The following EPM2A variants were observed in gnomAD, a reference collection of about 807,000 sequenced individuals.
EPM2A encodes the protein EPM2A glucan phosphatase, laforin, also known as laforin.
In EPM2A, 21 loss-of-function variants were observed where a neutral mutation model predicts 26.5. The observed-to-expected ratio is 0.79, with a 90% CI of 0.56 to 1.14. EPM2A has a LOEUF of 1.14. Ranked by LOEUF, EPM2A falls within the 50% of genes most tolerant of loss-of-function variation. EPM2A has a pLI of 0.00. For missense variants in EPM2A, 458 were observed against 440.8 expected, an observed-to-expected ratio of 1.04 and a Z score of -0.35; for synonymous variants, 217 against 177.6, an observed-to-expected ratio of 1.22 and a Z score of -1.76.
intron 2 of EPM2A, among the ~76,000 whole-genome samples, chr6:145,535,286 TCAAA>T (rs1189776482): frequency 4.6e-5 from 7 of 152,158 alleles, no homozygotes; most frequent in African/African-American, 1.7e-4. Flanking sequence ...CTGACAACCC[TCAAA>T]CAAAGTGAAT....
chr6:145,620,512 T>C (rs753154472), downstream of EPM2A, among the ~76,000 whole-genome samples: 50 of 152,230 alleles, frequency 3.3e-4, no homozygotes, highest in Non-Finnish European at 2.4e-4. Flanking sequence ...TCATTTAATA[T>C]TAAGAAGGCA....
chr6:145,533,778 C>G (rs973156376), intron 2 of EPM2A, among the ~76,000 whole-genome samples: 1 of 152,172 alleles, frequency 6.6e-6, no homozygotes, highest in African/African-American at 2.4e-5. Flanking sequence ...CACTTTCTGT[C>G]AAGCCCACCA....
intron 3 of EPM2A, among the ~76,000 whole-genome samples, chr6:145,632,630 C>T (rs1313354788): frequency 6.6e-6 from 1 of 152,210 alleles, no homozygotes; most frequent in Non-Finnish European, 1.5e-5. Flanking sequence ...AGGTCTGTGA[C>T]AACTAGCGGT....
rs114840477 is a variant in EPM2A, at chr6:145,647,691, G to A, written c.477-12205C>T. ...AGGAAGGAAGGCAGGAAGGAAGGAA[G>A]GGAAAGGGAAAGGGGAAGGGGAAGG... On this transcript the variant is annotated intron_variant, in intron 2 of 3. Coordinates refer to ENST00000367519, the MANE Select transcript of EPM2A (RefSeq NM_005670.4). Among the ~76,000 whole-genome samples the A allele has an allele frequency of 2.8e-3, 422 of 151,786 alleles. 6 individuals are homozygous for A. The highest frequency in any genetic ancestry group is 9.7e-3 in the African/African-American group (404 of 41,438).
Position 145,383,897 on chromosome 6 carries a change from T to C in EPM2A, c.*127A>G, listed in dbSNP as rs559387666. 7.9e-5 allele frequency: 12 copies of C among 152,346 alleles called. No homozygotes were observed. In the East Asian group the frequency reaches 1.2e-3, roughly 15 times the overall value. The allele number at this position is 152,346 out of a possible 1,614,324, so 9.4% of individuals were successfully genotyped here. On this transcript the variant is annotated 3_prime_UTR_variant, in exon 5 of 5. Transcript: ENST00000638717. Reference sequence around the variant, plus strand: ...TTGATAGCATCCACATATCTTTTTCTCCTTTAACATATAGATCTGTTAAAT... The same window carrying C: ...TTGATAGCATCCACATATCTTTTTCCCCTTTAACATATAGATCTGTTAAAT...
At chr6:145,649,197 T>C (rs1582964930) in intron 2 of EPM2A, among the ~76,000 whole-genome samples, 1 of 152,312 alleles carries the variant, frequency 6.6e-6, no homozygotes, top group African/African-American at 2.4e-5. Flanking sequence ...GGTAGGAAGG[T>C]GGCTCAGAGC....
chr6:145,591,814 A>T (rs2128548015), intron 2 of EPM2A, among the ~76,000 whole-genome samples: 1 of 152,118 alleles, frequency 6.6e-6, no homozygotes, highest in Admixed American at 6.5e-5. Flanking sequence ...TTGTTTTAAA[A>T]GATAACTATT....
intron 1 of EPM2A, among the ~76,000 whole-genome samples, chr6:145,696,807 GT>G: frequency 6.6e-6 from 1 of 151,030 alleles, no homozygotes; most frequent in Non-Finnish European, 1.5e-5. Context: ...GTGTGTGTGT[GT>G]GTGTGTGTGT....
downstream of EPM2A, chr6:145,501,506 TA>T (rs1321494345): frequency 9.2e-6 from 2 of 216,824 alleles, no homozygotes; most frequent in African/African-American, 4.7e-5. Flanking sequence ...CCATTGCTTC[TA>T]CTGCCCTGGT....
chr6:145,717,004 C>T (rs895777823), intron 1 of EPM2A, among the ~76,000 whole-genome samples: 12 of 152,212 alleles, frequency 7.9e-5, no homozygotes, highest in African/African-American at 2.4e-4. Context: ...CCCTTTCTTC[C>T]TCCTGAATTC....
intron 4 of EPM2A, chr6:145,490,955 CA>C: frequency 1.2e-6 from 1 of 833,084 alleles, no homozygotes; most frequent in Non-Finnish European, 2.0e-6. Context: ...GGATGCTTGG[CA>C]GAATCCACTT....
chr6:145,480,963 A>G (rs950680211), intron 4 of EPM2A, among the ~76,000 whole-genome samples: 7 of 152,138 alleles, frequency 4.6e-5, no homozygotes, highest in Admixed American at 2.0e-4. Flanking sequence ...TCTAAACTGG[A>G]GTTGCATGGG....
intron 2 of EPM2A, among the ~76,000 whole-genome samples, chr6:145,659,398 T>A (rs935889861): frequency 6.6e-6 from 1 of 152,208 alleles, no homozygotes; most frequent in Non-Finnish European, 1.5e-5. Flanking sequence ...TTTTCTGTAC[T>A]TCAACAGTAT....
At chr6:145,701,943 A>G (rs1781935973) in intron 1 of EPM2A, among the ~76,000 whole-genome samples, 1 of 152,176 alleles carries the variant, frequency 6.6e-6, no homozygotes, top group South Asian at 2.1e-4. Context: ...AGAGAGTACC[A>G]GTTATTTGTC....
At position 145,725,262 on chromosome 6, in the gene EPM2A, C is replaced by T. The variant is rs189812921; in HGVS notation, c.301+9936G>A. Among the ~76,000 whole-genome samples the T allele has an allele frequency of 3.0e-3, 457 of 152,142 alleles. 1 individual carries two copies. The highest frequency in any genetic ancestry group is 5.5e-3 in the Non-Finnish European group (375 of 67,918). ...ATGAGATACCACTATGCACCTATTA[C>T]AGTAGTTAAAATCCAAAACACTAAC... On this transcript the variant is annotated intron_variant, in intron 1 of 3. Transcript: ENST00000367519.
intron 2 of EPM2A, among the ~76,000 whole-genome samples, chr6:145,574,613 G>A (rs183809907): frequency 6.6e-6 from 1 of 152,292 alleles, no homozygotes; most frequent in East Asian, 1.9e-4. Flanking sequence ...GGATGAGTAG[G>A]TCTAAAGTGG....
intron 2 of EPM2A, among the ~76,000 whole-genome samples, chr6:145,566,511 A>G (rs1780885882): frequency 6.6e-6 from 1 of 152,198 alleles, no homozygotes; most frequent in South Asian, 2.1e-4. Context: ...GTTCAAGGTG[A>G]GAACAGTAGT....
chr6:145,526,398 G>C (rs143116627), intron 2 of EPM2A, among the ~76,000 whole-genome samples: 1 of 152,092 alleles, frequency 6.6e-6, no homozygotes, highest in African/African-American at 2.4e-5. Context: ...GAATTCAGTT[G>C]TGAATCCATC....
At chr6:145,503,240 C>A (rs1468165825) in intron 2 of EPM2A, among the ~76,000 whole-genome samples, 1 of 151,736 alleles carries the variant, frequency 6.6e-6, no homozygotes, top group African/African-American at 2.4e-5. Flanking sequence ...AAGTTCTGGC[C>A]AGGGCAATCA....
Sources: allele counts gnomAD v4.1 joint callset (sites outside exome capture counted in the v4.1 genomes callset), GRCh38; gene constraint gnomAD v4.1.1; transcripts MANE v1.5; gene names NCBI Gene and HGNC (gene_info 2026-07-23, HGNC 2026-07-21).